SNRPN: variants seen among roughly 807,000 people sequenced by gnomAD.
The protein encoded by SNRPN is small nuclear ribonucleoprotein-associated protein N.
A neutral mutation model predicts 25.2 loss-of-function variants in SNRPN; 7 were observed. The observed-to-expected ratio is 0.28, with a 90% CI of 0.16 to 0.52. The LOEUF is 0.52. Among genes scored for constraint, SNRPN ranks in the 20% least tolerant of loss-of-function variants. The pLI is 0.96. For synonymous variants in SNRPN, 124 were observed against 110.6 expected (o/e 1.12, Z -0.76); for missense variants, 196 against 322.5 (o/e 0.61, Z 3.00).
chr15:24,922,890 C>CTTTTTTTTTTTTTTTT lies in SNRPN; in HGVS notation c.-391+2777_-391+2792dup, dbSNP rs71412618. Among the ~76,000 whole-genome samples, 4 of 68,170 alleles carry CTTTTTTTTTTTTTTTT rather than the reference C, an allele frequency of 5.9e-5. 1 individual carries two copies. The highest frequency in any genetic ancestry group is 1.2e-4 in the African/African-American group (2 of 16,490). 44.7% of individuals were successfully genotyped at this position (68,170 alleles called of 152,430 possible). ...ATATCTATGCCACAGTAGGCAGATC[C>CTTTTTTTTTTTTTTTT]TTTTTTTTTTTTTTTTTTTTTTTTT... On this transcript the variant is annotated intron_variant, in intron 3 of 11. Transcript: ENST00000400097.
At chr15:24,874,234 C>T (rs2047432) in intron 1 of SNRPN, among the ~76,000 whole-genome samples, 37,146 of 139,932 alleles carry the variant, frequency 0.27, 5,123 homozygotes, top group East Asian at 0.55. Flanking sequence ...GGCATGAACC[C>T]GGGAGGTGGA....
chr15:24,882,998 A>G (rs931730258), intron 1 of SNRPN, among the ~76,000 whole-genome samples: 1 of 152,154 alleles, frequency 6.6e-6, no homozygotes, highest in Non-Finnish European at 1.5e-5. Context: ...AAAGTGTTGA[A>G]TATCTCATGT....
chr15:24,824,354 ATTGT>A (rs1418777552), intron 1 of SNRPN, among the ~76,000 whole-genome samples: 2 of 152,034 alleles, frequency 1.3e-5, no homozygotes, highest in Non-Finnish European at 2.9e-5. Context: ...GTGTCGTCAT[ATTGT>A]TTGTTTTTCT....
chr15:24,873,647 C>T (rs947733676), intron 1 of SNRPN, among the ~76,000 whole-genome samples: 8 of 152,052 alleles, frequency 5.3e-5, no homozygotes, highest in Admixed American at 5.2e-4. Flanking sequence ...CGGGGTTTCA[C>T]CGTGTTAGCC....
intron 7 of SNRPN, 34 bp downstream of exon 7, chr15:24,977,063 G>A: frequency 6.6e-7 from 1 of 1,512,298 alleles, no homozygotes; most frequent in Non-Finnish European, 8.9e-7. Flanking sequence ...ATATTATTGG[G>A]AGAATATGAC....
At position 24,883,732 on chromosome 15, in the gene SNRPN, C is replaced by T. The variant is rs531262371; in HGVS notation, c.-578-2784C>T. 4.6e-5 allele frequency among the ~76,000 whole-genome samples: 7 copies of T among 152,192 alleles called. No individual in the cohort carries two copies. In the South Asian group the frequency reaches 1.5e-3, roughly 32 times the overall value. ...ATTTATCAAGAATGTAGGGCTGAAG[C>T]TGGGCACAGTGGCTCATGCCTGTAA... On this transcript the variant is annotated intron_variant, in intron 1 of 11. Coordinates refer to the SNRPN transcript ENST00000400097.
chr15:24,837,008 C>T (rs2051255955), intron 2 of SNRPN, among the ~76,000 whole-genome samples: 1 of 152,016 alleles, frequency 6.6e-6, no homozygotes, highest in Admixed American at 6.5e-5. Context: ...ACCTTTCTCC[C>T]TCTGGAGTTT....
chr15:24,903,136 A>C (rs2058576876), intron 2 of SNRPN, among the ~76,000 whole-genome samples: 1 of 152,202 alleles, frequency 6.6e-6, no homozygotes, highest in African/African-American at 2.4e-5. Flanking sequence ...AGCTGGCTTC[A>C]CCTCTCAGAA....
At chr15:24,891,250 T>C (rs1430168589) in intron 2 of SNRPN, among the ~76,000 whole-genome samples, 2 of 151,892 alleles carry the variant, frequency 1.3e-5, no homozygotes, top group African/African-American at 4.8e-5. Flanking sequence ...TGAGACAGGG[T>C]TGTTGCTCTA....
At chr15:24,963,939 G>A (rs928433107) in intron 2 of SNRPN, among the ~76,000 whole-genome samples, 1 of 152,038 alleles carries the variant, frequency 6.6e-6, no homozygotes, top group Admixed American at 6.5e-5. Context: ...GGCTGAAGTG[G>A]AAGGGTCACT....
At chr15:24,883,801 C>G (rs1035727725) in intron 1 of SNRPN, among the ~76,000 whole-genome samples, 1 of 151,530 alleles carries the variant, frequency 6.6e-6, no homozygotes, top group African/African-American at 2.4e-5. Flanking sequence ...CACTTGAGGT[C>G]AGGAATTTGA....
chr15:24,928,310 G>A (rs1478118848), intron 3 of SNRPN, among the ~76,000 whole-genome samples: 2 of 152,034 alleles, frequency 1.3e-5, no homozygotes, highest in African/African-American at 4.8e-5. Context: ...CGATAGCCAA[G>A]ATATGGAATC....
At position 24,978,314 on chromosome 15, in the gene SNRPN, T is replaced by C; in HGVS notation, c.681T>C (p.Ile227=). The change falls in exon 9 of 10, where the codon ATT becomes ATC. Residue 227 remains isoleucine (I), a synonymous_variant. Coordinates refer to ENST00000390687, the MANE Select transcript of SNRPN (RefSeq NM_003097.6). ...GAATGAGACCCCCTCCACCAGGCATTAGAGGTGAGTGGGAGCATAGGGGTT... is the reference window on the plus strand; with the variant it reads ...GAATGAGACCCCCTCCACCAGGCATCAGAGGTGAGTGGGAGCATAGGGGTT... ...PPGMRPPPPG[I]RGPPPPGMRP... 2 of 1,614,116 alleles carry C rather than the reference T, an allele frequency of 1.2e-6. No homozygotes were observed. Among genetic ancestry groups the C allele is most frequent in the Non-Finnish European group, 1.7e-6 (2 of 1,179,998 alleles).
At chr15:24,834,743 C>G (rs1327058777) in intron 2 of SNRPN, among the ~76,000 whole-genome samples, 1 of 77,112 alleles carries the variant, frequency 1.3e-5, no homozygotes, top group Admixed American at 1.4e-4. Flanking sequence ...CTCTCTCTCT[C>G]TCTCTCTCTA....
chr15:24,852,163 G>T (rs943519393), upstream of SNRPN: 1 of 152,134 alleles, frequency 6.6e-6, no homozygotes, highest in African/African-American at 2.4e-5. Context: ...TCTTAAGTAA[G>T]GTGTATGCTT....
At chr15:24,934,819 A>T (rs999631542) in intron 3 of SNRPN, among the ~76,000 whole-genome samples, 4 of 152,112 alleles carry the variant, frequency 2.6e-5, no homozygotes, top group Admixed American at 1.3e-4. Context: ...AGCCTCCCAA[A>T]GTGCTGGGAT....
At chr15:24,959,604 TATTAG>T (rs1403834126) in intron 1 of SNRPN, among the ~76,000 whole-genome samples, 6 of 152,244 alleles carry the variant, frequency 3.9e-5, no homozygotes, top group African/African-American at 1.4e-4. Context: ...AGTTGTACAC[TATTAG>T]ATTAATCATG....
Position 24,978,174 on chromosome 15 carries a change from C to T in SNRPN, c.560-19C>T, listed in dbSNP as rs747671288. 5 of 1,607,474 alleles carry T rather than the reference C, an allele frequency of 3.1e-6. No individual in the cohort carries two copies. In the Admixed American group the frequency reaches 8.5e-5, roughly 27 times the overall value. On this transcript the variant is annotated intron_variant, in intron 8 of 9. Coordinates refer to ENST00000390687, the MANE Select transcript of SNRPN (RefSeq NM_003097.6). ...AAGCCATTTTATGAGGCCTTTATTT[C>T]TACCATTTTTCACTGTAGGCATTAT...
upstream of SNRPN, among the ~76,000 whole-genome samples, chr15:24,855,124 A>G (rs559582250): frequency 3.2e-4 from 48 of 152,292 alleles, 1 homozygote; most frequent in Admixed American, 1.0e-3. Context: ...CAAATACATA[A>G]TTATCTGATT....
Sources: gnomAD v4.1 joint callset for allele counts (sites outside exome capture counted in the v4.1 genomes callset) on GRCh38, gnomAD v4.1.1 for gene constraint, MANE v1.5 for transcripts, NCBI Gene and HGNC (gene_info 2026-07-23, HGNC 2026-07-21) for gene names.